TGM4: variants seen among roughly 807,000 people sequenced by gnomAD.
TGM4 encodes protein-glutamine gamma-glutamyltransferase 4.
Under a neutral mutation model 76.3 loss-of-function variants are expected in TGM4, and 61 were observed. The ratio of observed to expected loss-of-function variants is 0.80; its 90% CI spans 0.65 to 0.99. The LOEUF is 0.99. Among genes scored for constraint, TGM4 ranks in the 50% least tolerant of loss-of-function variants. The pLI, the probability that TGM4 is intolerant of heterozygous loss-of-function variation, is 0.00. For synonymous variants in TGM4, 337 were observed against 329.8 expected (o/e 1.02, Z -0.24); for missense variants, 794 against 843.2 (o/e 0.94, Z 0.72).
In TGM4 at chr3:44,911,315, A is replaced by G; in HGVS notation, c.1822A>G (p.Ile608Val). 1 of 1,614,240 alleles carries G rather than the reference A, an allele frequency of 6.2e-7. No individual in the cohort carries two copies. The highest frequency in any genetic ancestry group is 8.5e-7 in the Non-Finnish European group (1 of 1,180,038). The change falls in exon 13 of 14, where the codon ATC (isoleucine) becomes GTC (valine). Residue 608 changes from isoleucine (I) to valine (V), a missense_variant. Transcript: ENST00000296125. ...TGGCCAGCTACTTGTCTGCAATTGT[A>G]TCTTCAAGAATACCCTGGCCATCCC... ...RIGQLLVCNC[I>V]FKNTLAIPLT...
intron 6 of TGM4, among the ~76,000 whole-genome samples, chr3:44,897,833 A>G (rs1258459221): frequency 1.3e-5 from 2 of 152,242 alleles, no homozygotes; most frequent in Non-Finnish European, 2.9e-5. Flanking sequence ...AGCATAAAAT[A>G]TGTAGTGAGA....
chr3:44,882,183 C>T lies in TGM4; in HGVS notation c.20-3142C>T, dbSNP rs946253855. Among the ~76,000 whole-genome samples, 4 of 150,446 alleles carry T rather than the reference C, an allele frequency of 2.7e-5. No homozygotes were observed. The Admixed American group carries it at 2.7e-4, about 10-fold the overall frequency. ...AAACTCCTGGGCTCAAGTGATTCTC[C>T]CACCTCAGTCTCCCGAGTAACCGGG... On this transcript the variant is annotated intron_variant, in intron 1 of 13. Transcript: ENST00000296125.
Position 44,882,820 on chromosome 3 carries a change from G to A in TGM4, c.20-2505G>A, listed in dbSNP as rs532453483. ...CATTCAACCCACTATATGCCCATCTGCCTAACATTAATGATGGCCTGCATT... is the reference window on the plus strand; with the variant it reads ...CATTCAACCCACTATATGCCCATCTACCTAACATTAATGATGGCCTGCATT... On this transcript the variant is annotated intron_variant, in intron 1 of 13. Coordinates refer to ENST00000296125, the MANE Select transcript of TGM4 (RefSeq NM_003241.4). Among the ~76,000 whole-genome samples the A allele has an allele frequency of 8.0e-4, 122 of 152,322 alleles. 2 individuals are homozygous for A. Among genetic ancestry groups the A allele is most frequent in the African/African-American group, 2.4e-3 (99 of 41,574 alleles).
chr3:44,900,725 G>A (rs1309577164), intron 6 of TGM4: 2 of 152,124 alleles, frequency 1.3e-5, no homozygotes, highest in Admixed American at 6.6e-5. Context: ...TCATGTTTTC[G>A]GAGGGTTCCT....
chr3:44,908,730 CT>C (rs985969208), intron 10 of TGM4, among the ~76,000 whole-genome samples: 1 of 151,380 alleles, frequency 6.6e-6, no homozygotes, highest in African/African-American at 2.4e-5. Context: ...TGTTCTCACA[CT>C]TTTTTTTTAG....
At chr3:44,912,807 T>C (rs1161364174) in intron 13 of TGM4, among the ~76,000 whole-genome samples, 1 of 152,214 alleles carries the variant, frequency 6.6e-6, no homozygotes, top group African/African-American at 2.4e-5. Context: ...ACGTTATTAG[T>C]TGGGTTAATT....
rs1356603517 is a variant in TGM4, at chr3:44,885,483, C to G, written c.178C>G (p.Leu60Val). ...QPLQSYHQLK[L>V]EFSTGPNPSI... Reference sequence around the variant, plus strand: ...CCTACAATCCTACCACCAACTGAAACTGGAATTCAGCACAGGTGAAGCCTC... The same window carrying G: ...CCTACAATCCTACCACCAACTGAAAGTGGAATTCAGCACAGGTGAAGCCTC... The change falls in exon 2 of 14, where the codon CTG (leucine) becomes GTG (valine). Residue 60 changes from leucine to valine, a missense_variant. By Grantham distance (32) the Leu-to-Val change is conservative. Transcript: ENST00000296125. 3 of 1,611,518 alleles carry G rather than the reference C, an allele frequency of 1.9e-6. No individual in the cohort carries two copies. The East Asian group carries it at 6.7e-5, about 36-fold the overall frequency.
At chr3:44,907,243 A>C (rs558616491) in intron 10 of TGM4, 43 bp downstream of exon 10, 1 of 1,599,426 alleles carries the variant, frequency 6.3e-7, no homozygotes, top group African/African-American at 1.3e-5. Context: ...CCCCTGAGTC[A>C]CCCAGAACAT....
At chr3:44,890,015 C>T (rs1380042648) in intron 3 of TGM4, among the ~76,000 whole-genome samples, 2 of 152,108 alleles carry the variant, frequency 1.3e-5, no homozygotes, top group Admixed American at 6.5e-5. Flanking sequence ...GAAGTAGGCA[C>T]ATTTTACATG....
At chr3:44,891,352 A>G (rs1015106475) in intron 4 of TGM4, among the ~76,000 whole-genome samples, 2 of 121,732 alleles carry the variant, frequency 1.6e-5, no homozygotes, top group Admixed American at 8.5e-5. Context: ...CTAGAAGCCA[A>G]GGAGCTCTTT....
At chr3:44,906,815 G>A in intron 9 of TGM4, 134 bp from the exon 10 acceptor site, 1 of 1,114,268 alleles carries the variant, frequency 9.0e-7, no homozygotes, top group East Asian at 2.4e-5. Flanking sequence ...CCTAGGAAAT[G>A]AGTACCCAGA....
At chr3:44,900,141 C>T (rs1699832520) in intron 6 of TGM4, among the ~76,000 whole-genome samples, 1 of 152,156 alleles carries the variant, frequency 6.6e-6, no homozygotes, top group Non-Finnish European at 1.5e-5. Context: ...AGCGTCACTC[C>T]CCTTCTTTCC....
At position 44,903,894 on chromosome 3, in the gene TGM4, G is replaced by T; in HGVS notation, c.982G>T (p.Val328Leu). The T allele has an allele frequency of 6.2e-7, 1 of 1,614,244 alleles. No individual in the cohort carries two copies. The highest frequency in any genetic ancestry group is 8.5e-7 in the Non-Finnish European group (1 of 1,180,034). ...MTHDSVWNFH[V>L]WTDAWMKRPD... is the part of the protein sequence containing the mutation. The stretch of plus-strand genomic sequence containing the variant: ...CCCAATTTGCGGCAGGAATTTCCAT[G>T]TGTGGACGGATGCCTGGATGAAGCG... The change falls in exon 9 of 14, where the codon GTG becomes TTG. Residue 328 changes from valine (V) to leucine (L), a missense_variant. By Grantham distance (32) the Val-to-Leu change is conservative. Coordinates refer to ENST00000296125, the MANE Select transcript of TGM4 (RefSeq NM_003241.4).
intron 11 of TGM4, 42 bp downstream of exon 11, chr3:44,910,410 G>A (rs777976951): frequency 3.2e-6 from 5 of 1,587,030 alleles, no homozygotes; most frequent in Non-Finnish European, 4.3e-6. Flanking sequence ...GTGGGCTCAG[G>A]GTCCCACAAT....
At chr3:44,897,027 A>G (rs1467573613) in intron 6 of TGM4, among the ~76,000 whole-genome samples, 3 of 140,048 alleles carry the variant, frequency 2.1e-5, no homozygotes, top group Non-Finnish European at 3.0e-5. Flanking sequence ...TTTTTGAGAC[A>G]GAGTCTCATT....
intron 9 of TGM4, among the ~76,000 whole-genome samples, chr3:44,904,558 G>C (rs1699898297): frequency 6.6e-6 from 1 of 152,144 alleles, no homozygotes. Context: ...GTTGGTCTGA[G>C]GTTACTTGGA....
At chr3:44,913,549 C>A in intron 13 of TGM4, 35 bp from the exon 14 acceptor site, 1 of 1,597,550 alleles carries the variant, frequency 6.3e-7, no homozygotes. Context: ...ACATCCTTGG[C>A]TGATTGTATG....
intron 9 of TGM4, 49 bp downstream of exon 9, chr3:44,904,036 A>G (rs755308335): frequency 2.6e-6 from 4 of 1,529,800 alleles, no homozygotes; most frequent in East Asian, 2.2e-5. Context: ...CTCTCCTTAC[A>G]TGGCCCAGGG....
chr3:44,902,010 C>T (rs759347304), intron 8 of TGM4, 79 bp downstream of exon 8: 29 of 1,533,034 alleles, frequency 1.9e-5, no homozygotes, highest in Non-Finnish European at 2.5e-5. Flanking sequence ...CAGGGTCTCT[C>T]GCTAGTTTGC....
Sources: allele counts gnomAD v4.1 joint callset (sites outside exome capture counted in the v4.1 genomes callset), GRCh38; gene constraint gnomAD v4.1.1; transcripts MANE v1.5; gene names NCBI Gene and HGNC (gene_info 2026-07-23, HGNC 2026-07-21).